CCDC3: variants seen among roughly 807,000 people sequenced by gnomAD.
CCDC3 encodes the protein coiled-coil domain containing 3.
Under a neutral mutation model 21.4 loss-of-function variants are expected in CCDC3, and 24 were observed. The observed-to-expected ratio is 1.12, with a 90% CI of 0.81 to 1.58. The LOEUF (loss-of-function observed/expected upper bound fraction) is 1.58, where lower values mean the gene tolerates loss of function less well. Ranked by LOEUF, CCDC3 falls within the 40% of genes most tolerant of loss-of-function variation. The probability of loss-of-function intolerance (pLI) is 0.00; values close to 1 mark genes in which losing one functional copy is unlikely to be tolerated. For synonymous variants in CCDC3, 186 were observed against 166.0 expected (o/e 1.12, Z -0.93); for missense variants, 425 against 360.9 (o/e 1.18, Z -1.44).
chr10:13,034,235 C>G (rs915743182), intron 5 of CCDC3, among the ~76,000 whole-genome samples: 1 of 150,896 alleles, frequency 6.6e-6, no homozygotes, highest in African/African-American at 2.4e-5. Context: ...AGCAAACTAT[C>G]GCAAGGGCAG....
chr10:12,950,531 C>T (rs1040454393), intron 2 of CCDC3, among the ~76,000 whole-genome samples: 2 of 152,174 alleles, frequency 1.3e-5, no homozygotes, highest in South Asian at 2.1e-4. Flanking sequence ...AAGAGCAGAA[C>T]GAGGCAAATT....
chr10:13,004,277 CTA>C (rs1228170278), upstream of CCDC3, among the ~76,000 whole-genome samples: 1 of 68,200 alleles, frequency 1.5e-5, no homozygotes, highest in Non-Finnish European at 3.6e-5. Context: ...TAAGTCTTCA[CTA>C]AACTGTTACA....
chr10:12,911,838 A>G (rs2131204820), intron 2 of CCDC3, among the ~76,000 whole-genome samples: 1 of 152,264 alleles, frequency 6.6e-6, no homozygotes, highest in South Asian at 2.1e-4. Context: ...GGTAACTGCC[A>G]TTCTACTTTT....
At chr10:13,034,525 T>A (rs1488741323) in intron 5 of CCDC3, among the ~76,000 whole-genome samples, 4 of 142,740 alleles carry the variant, frequency 2.8e-5, no homozygotes, top group Non-Finnish European at 3.0e-5. Flanking sequence ...GCCTAGATCT[T>A]AAAAAAAAAA....
At chr10:13,046,455 C>T (rs915359668) in intron 5 of CCDC3, among the ~76,000 whole-genome samples, 3 of 151,618 alleles carry the variant, frequency 2.0e-5, no homozygotes, top group African/African-American at 7.3e-5. Context: ...GCCTGTAATC[C>T]CAGCACTTTG....
intron 4 of CCDC3, among the ~76,000 whole-genome samples, chr10:13,054,834 T>G (rs1026966900): frequency 1.3e-5 from 2 of 152,106 alleles, no homozygotes; most frequent in East Asian, 1.9e-4. Context: ...GCGTGGCTAA[T>G]TTTTGTATTT....
At chr10:13,068,959 A>G (rs1836852361) in intron 4 of CCDC3, among the ~76,000 whole-genome samples, 1 of 152,232 alleles carries the variant, frequency 6.6e-6, no homozygotes, top group Non-Finnish European at 1.5e-5. Flanking sequence ...TGAAAGGAGT[A>G]TAAAAATTAA....
intron 3 of CCDC3, among the ~76,000 whole-genome samples, chr10:13,088,129 C>G (rs561847700): frequency 3.4e-4 from 52 of 152,228 alleles, no homozygotes; most frequent in African/African-American, 1.2e-3. Flanking sequence ...TACACAGCCG[C>G]CCCAGTCAAA....
At chr10:13,020,848 C>CAA (rs901718364) in intron 5 of CCDC3, among the ~76,000 whole-genome samples, 1 of 151,194 alleles carries the variant, frequency 6.6e-6, no homozygotes, top group African/African-American at 2.4e-5. Context: ...AAAGTTTTCA[C>CAA]AAAAAAAACT....
intron 2 of CCDC3, among the ~76,000 whole-genome samples, chr10:12,937,382 C>G (rs1043922128): frequency 2.0e-5 from 3 of 152,116 alleles, no homozygotes; most frequent in Admixed American, 6.6e-5. Flanking sequence ...TATCAAGCCA[C>G]CATAGTACTA....
chr10:12,971,588 C>T (rs551418276), intron 2 of CCDC3, among the ~76,000 whole-genome samples: 45 of 152,314 alleles, frequency 3.0e-4, no homozygotes, highest in African/African-American at 1.1e-3. Flanking sequence ...CATGCCACAA[C>T]CCCTGCTCTC....
intron 2 of CCDC3, among the ~76,000 whole-genome samples, chr10:12,981,993 T>C (rs1257156735): frequency 6.6e-6 from 1 of 151,264 alleles, no homozygotes; most frequent in Non-Finnish European, 1.5e-5. Flanking sequence ...CGTGGTGGCA[T>C]GTGTCTGTAG....
intron 3 of CCDC3, among the ~76,000 whole-genome samples, chr10:13,075,676 G>A (rs1836955127): frequency 6.6e-6 from 1 of 152,174 alleles, no homozygotes. Context: ...AATTGGATGA[G>A]CCTTCAATGC....
chr10:12,916,479 T>C (rs966849133), intron 2 of CCDC3, among the ~76,000 whole-genome samples: 1 of 144,106 alleles, frequency 6.9e-6, no homozygotes, highest in African/African-American at 2.6e-5. Flanking sequence ...GCCAACCTGA[T>C]AGTATGGTGG....
intron 2 of CCDC3, among the ~76,000 whole-genome samples, chr10:12,919,186 C>T (rs1406272723): frequency 3.3e-5 from 5 of 152,148 alleles, no homozygotes; most frequent in Non-Finnish European, 7.4e-5. Context: ...AAGACCTAGG[C>T]TGGAAGGGTC....
At chr10:13,019,132 G>A (rs1253366235) in intron 5 of CCDC3, among the ~76,000 whole-genome samples, 1 of 152,158 alleles carries the variant, frequency 6.6e-6, no homozygotes, top group African/African-American at 2.4e-5. Flanking sequence ...TACTCGGGAG[G>A]CTGAGGCAGG....
At chr10:12,935,040 G>T (rs977610942) in intron 2 of CCDC3, among the ~76,000 whole-genome samples, 1 of 151,562 alleles carries the variant, frequency 6.6e-6, no homozygotes, top group African/African-American at 2.4e-5. Context: ...CTGGGACTAC[G>T]GATGTGCACT....
chr10:12,898,343 G>T lies in CCDC3; in HGVS notation c.*73C>A. 1.4e-6 allele frequency: 2 copies of T among 1,412,840 alleles called. No individual in the cohort carries two copies. The highest frequency in any genetic ancestry group is 1.9e-6 in the Non-Finnish European group (2 of 1,045,076). 87.5% of individuals were successfully genotyped at this position (1,412,840 alleles called of 1,614,324 possible). On this transcript the variant is annotated 3_prime_UTR_variant, in exon 3 of 3. Transcript: ENST00000378825. ...AACTCTTACAACCCTTGAAATAGCT[G>T]CATGTACGAAACCTCACTCATTCTC... is the stretch of plus-strand genomic sequence containing the variant.
chr10:13,014,471 G>GAAA (rs58040998), intron 5 of CCDC3, among the ~76,000 whole-genome samples: 1 of 137,624 alleles, frequency 7.3e-6, no homozygotes, highest in African/African-American at 2.7e-5. Flanking sequence ...AAAAAAAAAA[G>GAAA]AAAAAAAAAA....
Sources: gnomAD v4.1 joint callset for allele counts (sites outside exome capture counted in the v4.1 genomes callset) on GRCh38, gnomAD v4.1.1 for gene constraint, MANE v1.5 for transcripts, NCBI Gene and HGNC (gene_info 2026-07-23, HGNC 2026-07-21) for gene names.